The following NLGN4X variants were observed in gnomAD, a reference collection of about 807,000 sequenced individuals.
NLGN4X encodes the protein neuroligin-4, X-linked.
In NLGN4X, 3 loss-of-function variants were observed where a neutral mutation model predicts 40.3. The observed-to-expected ratio is 0.07, with a 90% CI of 0.03 to 0.19. The LOEUF is 0.19. Ranked by LOEUF, NLGN4X falls within the 10% of genes least tolerant of loss-of-function variation. The probability of loss-of-function intolerance (pLI) is 1.00; values close to 1 mark genes in which losing one functional copy is unlikely to be tolerated. For missense variants in NLGN4X, 382 were observed against 708.3 expected (o/e 0.54, Z 5.23); for synonymous variants, 270 against 306.8 (o/e 0.88, Z 1.25).
chrX:6,133,196 A>AT (rs916307408), intron 2 of NLGN4X, among the ~76,000 whole-genome samples: 21 of 110,729 alleles, frequency 1.9e-4, no homozygotes, highest in African/African-American at 6.9e-4. Flanking sequence ...CACCATCCTC[A>AT]TCATCACCAT....
chrX:6,005,771 T>C (rs1369254963), intron 3 of NLGN4X, among the ~76,000 whole-genome samples: 1 of 111,305 alleles, frequency 9.0e-6, no homozygotes, highest in Non-Finnish European at 1.9e-5. Flanking sequence ...GAAGAAAGAA[T>C]GAAGTCTGTC....
chrX:5,940,442 C>T (rs184941025), intron 3 of NLGN4X, among the ~76,000 whole-genome samples: 1 of 110,811 alleles, frequency 9.0e-6, no homozygotes, highest in African/African-American at 3.3e-5. Context: ...TTATAAGAAA[C>T]GAATTTTGCT....
intron 2 of NLGN4X, among the ~76,000 whole-genome samples, chrX:6,102,677 CAGAT>C (rs2038941227): frequency 1.5e-5 from 1 of 64,667 alleles, no homozygotes; most frequent in Admixed American, 1.7e-4. Flanking sequence ...CATACATAGA[CAGAT>C]AGATACATAG....
intron 2 of NLGN4X, among the ~76,000 whole-genome samples, chrX:6,068,112 G>C (rs1406587069): frequency 3.6e-5 from 4 of 111,829 alleles, no homozygotes; most frequent in Non-Finnish European, 7.5e-5. Flanking sequence ...GCATTTGCCA[G>C]TATGGATTCT....
chrX:5,952,930 C>T (rs2034365085), intron 3 of NLGN4X, among the ~76,000 whole-genome samples: 1 of 112,117 alleles, frequency 8.9e-6, no homozygotes, highest in African/African-American at 3.2e-5. Context: ...TCTGCTTATA[C>T]ATTAACAGAG....
At chrX:6,172,978 C>A (rs2040640864) in intron 1 of NLGN4X, among the ~76,000 whole-genome samples, 1 of 112,162 alleles carries the variant, frequency 8.9e-6, no homozygotes, top group Non-Finnish European at 1.9e-5. Context: ...AATTCCCTTA[C>A]AGACACAGAG....
chrX:6,072,996 A>C, intron 2 of NLGN4X, among the ~76,000 whole-genome samples: 1 of 112,584 alleles, frequency 8.9e-6, no homozygotes, highest in East Asian at 2.8e-4. Flanking sequence ...TTAGTAAACA[A>C]GGACTTCATG....
At chrX:5,967,363 G>A (rs182551644) in intron 3 of NLGN4X, among the ~76,000 whole-genome samples, 4 of 111,774 alleles carry the variant, frequency 3.6e-5, no homozygotes, top group Non-Finnish European at 7.5e-5. Context: ...AACCATCTAG[G>A]AACTAGAACA....
In NLGN4X at chrX:5,976,596, A is replaced by C. The variant is rs1035169456; in HGVS notation, c.625+52684T>G. Among the ~76,000 whole-genome samples the C allele has an allele frequency of 3.6e-5, 4 of 112,267 alleles. No homozygotes were observed. The East Asian group carries it at 1.1e-3, about 32-fold the overall frequency. On this transcript the variant is annotated intron_variant, in intron 3 of 5. Transcript: ENST00000381095. The stretch of plus-strand genomic sequence containing the variant: ...TTTCTGCTCTAGTGTTGGTCTCAAA[A>C]AATGAAAATAAATGCACCGCTTTTA...
At chrX:6,114,624 CTCCTT>C (rs1439154000) in intron 2 of NLGN4X, among the ~76,000 whole-genome samples, 1 of 110,709 alleles carries the variant, frequency 9.0e-6, no homozygotes, top group Non-Finnish European at 1.9e-5. Context: ...ATTTACTTTT[CTCCTT>C]TATTATTTTA....
At chrX:5,993,542 A>G (rs1005944282) in intron 3 of NLGN4X, among the ~76,000 whole-genome samples, 5 of 111,832 alleles carry the variant, frequency 4.5e-5, no homozygotes, top group African/African-American at 9.7e-5. Context: ...AGCAGGGCAC[A>G]ACTGCCCATG....
At chrX:5,978,320 CTTTCTTTCTTTCTTTCTTTCT>C (rs1569164946) in intron 3 of NLGN4X, among the ~76,000 whole-genome samples, 9,974 of 91,143 alleles carry the variant, frequency 0.11, 962 homozygotes, top group African/African-American at 0.3. Flanking sequence ...TTCTTTCTTT[CTTTCTTTCTTTCTTTCTTTCT>C]TTCCCTTCCT....
chrX:6,010,489 T>A (rs1055331436), intron 3 of NLGN4X, among the ~76,000 whole-genome samples: 1 of 104,116 alleles, frequency 9.6e-6, no homozygotes, highest in Admixed American at 1.1e-4. Context: ...TTGGACAATA[T>A]GAATATCTCA....
intron 3 of NLGN4X, among the ~76,000 whole-genome samples, chrX:5,963,476 T>C (rs1439378184): frequency 1.8e-5 from 2 of 111,793 alleles, no homozygotes; most frequent in Non-Finnish European, 3.8e-5. Flanking sequence ...TCCTGACTGC[T>C]TAAAGTAAAA....
chrX:5,962,936 C>G (rs763980075), intron 3 of NLGN4X, among the ~76,000 whole-genome samples: 33 of 94,139 alleles, frequency 3.5e-4, no homozygotes, highest in Non-Finnish European at 6.6e-4. Flanking sequence ...TACCCCCCCC[C>G]ACCCCCACCC....
intron 3 of NLGN4X, among the ~76,000 whole-genome samples, chrX:5,983,970 T>C (rs1159557379): frequency 9.0e-6 from 1 of 110,603 alleles, no homozygotes; most frequent in Non-Finnish European, 1.9e-5. Flanking sequence ...ACAAAAAATA[T>C]AAAATAGAGA....
chrX:6,084,744 T>C (rs921892998), intron 2 of NLGN4X, among the ~76,000 whole-genome samples: 5 of 110,479 alleles, frequency 4.5e-5, no homozygotes, highest in Non-Finnish European at 9.4e-5. Context: ...AGTGTAATTA[T>C]AAAAAGGGCT....
intron 3 of NLGN4X, among the ~76,000 whole-genome samples, chrX:5,931,256 A>T (rs942765295): frequency 8.9e-6 from 1 of 112,152 alleles, no homozygotes; most frequent in African/African-American, 3.2e-5. Flanking sequence ...ATTATGAATT[A>T]CTTAATATTT....
intron 2 of NLGN4X, among the ~76,000 whole-genome samples, chrX:6,104,754 G>A (rs1210774239): frequency 9.0e-6 from 1 of 111,547 alleles, no homozygotes; most frequent in African/African-American, 3.3e-5. Context: ...TCCCTGAGAT[G>A]GCAGAAAGAA....
Sources: gnomAD v4.1 joint callset for allele counts (sites outside exome capture counted in the v4.1 genomes callset) on GRCh38, gnomAD v4.1.1 for gene constraint, MANE v1.5 for transcripts, NCBI Gene and HGNC (gene_info 2026-07-23, HGNC 2026-07-21) for gene names.